The following LYST variants were observed in gnomAD, a reference collection of about 807,000 sequenced individuals.
The protein encoded by LYST is lysosomal trafficking regulator.
A neutral mutation model predicts 413.6 loss-of-function variants in LYST; 192 were observed. The observed-to-expected ratio is 0.46, with a 90% CI of 0.41 to 0.52. The LOEUF is 0.52. Among genes scored for constraint, LYST ranks in the 20% least tolerant of loss-of-function variants. LYST has a pLI of 0.00. For missense variants in LYST, 3,815 were observed against 4,499.9 expected (o/e 0.85, Z 4.35); for synonymous variants, 1,525 against 1,567.3 (o/e 0.97, Z 0.64).
At chr1:235,781,173 T>G in intron 15 of LYST, 118 bp from the exon 16 acceptor site, 1 of 693,814 alleles carries the variant, frequency 1.4e-6, no homozygotes, top group South Asian at 1.8e-5. Context: ...TTCACTATAT[T>G]TTATAAAATT....
chr1:235,776,288 T>G (rs1669221919), intron 17 of LYST, among the ~76,000 whole-genome samples: 1 of 152,150 alleles, frequency 6.6e-6, no homozygotes, highest in East Asian at 1.9e-4. Context: ...GTAAGAACCC[T>G]AACAACAACA....
chr1:235,770,413 G>T, intron 19 of LYST, 116 bp from the exon 20 acceptor site: 1 of 951,550 alleles, frequency 1.1e-6, no homozygotes, highest in Non-Finnish European at 1.7e-6. Context: ...CAGTATCAAA[G>T]ATTACATGTC....
chr1:235,690,567 T>G (rs1660566241), intron 47 of LYST, among the ~76,000 whole-genome samples: 1 of 152,234 alleles, frequency 6.6e-6, no homozygotes, highest in Non-Finnish European at 1.5e-5. Context: ...TGTCTCTTTA[T>G]TCTTACTTCT....
At chr1:235,855,356 G>T (rs891996003) in intron 1 of LYST, among the ~76,000 whole-genome samples, 1 of 152,120 alleles carries the variant, frequency 6.6e-6, no homozygotes, top group African/African-American at 2.4e-5. Context: ...CCCAGGTAAG[G>T]CTCTGAGAAA....
At chr1:235,754,625 C>T (rs1376792798) in intron 25 of LYST, among the ~76,000 whole-genome samples, 1 of 152,110 alleles carries the variant, frequency 6.6e-6, no homozygotes, top group African/African-American at 2.4e-5. Flanking sequence ...TAGTTTCTAA[C>T]TAGTGAATGA....
At chr1:235,872,117 G>A (rs1045795924) in intron 1 of LYST, among the ~76,000 whole-genome samples, 16 of 151,990 alleles carry the variant, frequency 1.1e-4, no homozygotes, top group African/African-American at 3.9e-4. Flanking sequence ...CCAATGTGGC[G>A]AAACCCAGTC....
chr1:235,730,595 G>A lies in LYST; in HGVS notation c.9044+252C>T, dbSNP rs6691262. 0.057 allele frequency among the ~76,000 whole-genome samples: 7,429 copies of A among 129,740 alleles called. 658 individuals are homozygous for A. Among genetic ancestry groups the A allele is most frequent in the African/African-American group, 0.22 (7,014 of 32,476 alleles). 85.1% of individuals were successfully genotyped at this position (129,740 alleles called of 152,430 possible). The stretch of plus-strand genomic sequence containing the variant: ...TGTGTGTGTGTGTGTGTGTGTGTGT[G>A]TGTGTGTGTGTGTGTGTGTATATGT... On this transcript the variant is annotated intron_variant, in intron 36 of 52. Coordinates refer to ENST00000389793, the MANE Select transcript of LYST (RefSeq NM_000081.4).
intron 50 of LYST, among the ~76,000 whole-genome samples, chr1:235,666,079 G>A (rs1658427265): frequency 6.6e-6 from 1 of 152,030 alleles, no homozygotes; most frequent in South Asian, 2.1e-4. Flanking sequence ...TATAAACAAT[G>A]CTTCTTTATT....
chr1:235,751,433 G>A, intron 27 of LYST, 71 bp from the exon 28 acceptor site: 1 of 1,245,718 alleles, frequency 8.0e-7, no homozygotes, highest in Admixed American at 1.7e-5. Context: ...CTGATTTTAT[G>A]TATCATGACA....
chr1:235,672,426 A>T (rs1659021142), intron 50 of LYST, among the ~76,000 whole-genome samples: 1 of 152,168 alleles, frequency 6.6e-6, no homozygotes, highest in Non-Finnish European at 1.5e-5. Context: ...GACCTAGAAG[A>T]AAAATCAGGA....
In LYST at chr1:235,716,733, ATCT is replaced by A. The variant is rs1662871382; in HGVS notation, c.9603_9605del (p.Glu3201del). The A allele has an allele frequency of 1.3e-6, 2 of 1,597,418 alleles. No homozygotes were observed. The highest frequency in any genetic ancestry group is 1.3e-5 in the African/African-American group (1 of 74,584). On this transcript the variant is annotated inframe_deletion, in exon 41 of 53. Transcript: ENST00000389793. ...CTACCTTGTATGTGTCCACATAACG[ATCT>A]TCTTTTTCTTTATACTGAACAGCTA... is the stretch of plus-strand genomic sequence containing the variant.
intron 50 of LYST, among the ~76,000 whole-genome samples, chr1:235,666,607 T>TACACACACACACACACACACAC: frequency 7.1e-6 from 1 of 141,362 alleles, no homozygotes; most frequent in East Asian, 2.3e-4. Flanking sequence ...CACACACACA[T>TACACACACACACACACACACAC]ACACACACAC....
intron 1 of LYST, among the ~76,000 whole-genome samples, chr1:235,844,923 G>A (rs1176463470): frequency 6.6e-6 from 1 of 152,156 alleles, no homozygotes; most frequent in African/African-American, 2.4e-5. Context: ...TACTAGATGT[G>A]TTAAGCAATA....
intron 5 of LYST, among the ~76,000 whole-genome samples, chr1:235,807,389 T>C (rs998872735): frequency 6.6e-6 from 1 of 152,198 alleles, no homozygotes; most frequent in Non-Finnish European, 1.5e-5. Context: ...ATCCTAGTAA[T>C]AACTTTAATA....
chr1:235,745,105 A>G (rs2103274962), intron 29 of LYST, among the ~76,000 whole-genome samples: 1 of 152,220 alleles, frequency 6.6e-6, no homozygotes, highest in African/African-American at 2.4e-5. Flanking sequence ...TTGGAATATA[A>G]TTGACAAATA....
intron 40 of LYST, 94 bp downstream of exon 40, chr1:235,720,567 G>A (rs558664076): frequency 2.4e-4 from 288 of 1,198,476 alleles, no homozygotes; most frequent in Non-Finnish European, 3.3e-4. Context: ...CTTCTATTTT[G>A]TGCATGTTTG....
intron 14 of LYST, among the ~76,000 whole-genome samples, chr1:235,784,789 C>T (rs1477281834): frequency 6.6e-6 from 1 of 152,100 alleles, no homozygotes; most frequent in African/African-American, 2.4e-5. Context: ...CAACTCCAGC[C>T]CCAGCTCCAT....
intron 31 of LYST, chr1:235,738,402 T>C: frequency 3.7e-6 from 6 of 1,613,590 alleles, no homozygotes; most frequent in Non-Finnish European, 5.1e-6. Flanking sequence ...AAGTTGCTTA[T>C]TGTTTCAAAT....
In LYST at chr1:235,806,233, C is replaced by T. The variant is rs150482928; in HGVS notation, c.2903G>A (p.Arg968His). 24 of 1,613,792 alleles carry T rather than the reference C, an allele frequency of 1.5e-5. No homozygotes were observed. The highest frequency in any genetic ancestry group is 1.9e-5 in the Non-Finnish European group (23 of 1,179,962). Reference sequence around the variant, plus strand: ...CACTGAACTCAACATGTAGATCCAACGACACATAGACCAAATGTCTGCTGC... The same window carrying T: ...CACTGAACTCAACATGTAGATCCAATGACACATAGACCAAATGTCTGCTGC... ...HQAADIWSMC[R>H]WIYMLSSVFQ... The change falls in exon 6 of 53, where the codon CGT (arginine) becomes CAT (histidine). Residue 968 changes from arginine (R) to histidine (H), a missense_variant. Physicochemically the swap from Arg to His is conservative, Grantham distance 29. Transcript: ENST00000389793.
Sources: allele counts gnomAD v4.1 joint callset (sites outside exome capture counted in the v4.1 genomes callset), GRCh38; gene constraint gnomAD v4.1.1; transcripts MANE v1.5; gene names NCBI Gene and HGNC (gene_info 2026-07-23, HGNC 2026-07-21).